Variants in DHRS11 observed in about 807,000 individuals in gnomAD.
The protein encoded by DHRS11 is dehydrogenase/reductase SDR family member 11.
Under a neutral mutation model 30.7 loss-of-function variants are expected in DHRS11, and 18 were observed. That is an observed-to-expected ratio of 0.59 (90% confidence interval 0.41 to 0.87). The LOEUF (loss-of-function observed/expected upper bound fraction) is 0.87, where lower values mean the gene tolerates loss of function less well. Among genes scored for constraint, DHRS11 ranks in the 40% least tolerant of loss-of-function variants. The pLI, the probability that DHRS11 is intolerant of heterozygous loss-of-function variation, is 0.00. For missense variants in DHRS11, 300 were observed against 349.0 expected, an observed-to-expected ratio of 0.86 and a Z score of 1.12; for synonymous variants, 123 against 139.6, an observed-to-expected ratio of 0.88 and a Z score of 0.84.
intron 1 of DHRS11, among the ~76,000 whole-genome samples, chr17:36,594,401 C>T (rs1206819708): frequency 6.6e-6 from 1 of 152,102 alleles, no homozygotes; most frequent in African/African-American, 2.4e-5. Flanking sequence ...AGGTCCCTGG[C>T]CCCTGTTCCA....
rs186907109 is a variant in DHRS11, at chr17:36,594,626, G to C, written c.148-345G>C. The C allele has an allele frequency of 1.6e-5, 6 of 372,666 alleles. No individual in the cohort carries two copies. The East Asian group carries it at 2.4e-4, about 15-fold the overall frequency. 23.1% of individuals were successfully genotyped at this position (372,666 alleles called of 1,614,324 possible). On this transcript the variant is annotated intron_variant, in intron 1 of 6. Transcript: ENST00000618403. ...ATAGGGTTCCACCAAGTTAGCCAAG[G>C]CTGGTCTCAAACTCCTGACCTCAAC... is the stretch of plus-strand genomic sequence containing the variant.
rs2074777057 is a variant in DHRS11, at chr17:36,592,597, C to A, written c.147+441C>A. 6.6e-6 allele frequency among the ~76,000 whole-genome samples: 1 copy of A among 152,138 alleles called. No individual in the cohort carries two copies. Among genetic ancestry groups the A allele is most frequent in the South Asian group, 2.1e-4 (1 of 4,822 alleles). ...GGAGCTTTACTGAAGAGCCTCAGCCCCGCCCCCTCACCTCGGGGGTAACTC... is the reference window on the plus strand; with the variant it reads ...GGAGCTTTACTGAAGAGCCTCAGCCACGCCCCCTCACCTCGGGGGTAACTC... On this transcript the variant is annotated intron_variant, in intron 1 of 6. Coordinates refer to ENST00000618403, the MANE Select transcript of DHRS11 (RefSeq NM_024308.4). This position sits in a 1 kb window ranked among gnomAD's most constrained non-coding sequence, Gnocchi z 4.4.
intron 2 of DHRS11, 116 bp from the exon 3 acceptor site, chr17:36,598,047 C>A (rs369251903): frequency 9.7e-7 from 1 of 1,034,928 alleles, no homozygotes; most frequent in African/African-American, 1.6e-5. Context: ...TCCGGGGGGA[C>A]CTGGACACTG....
chr17:36,593,269 C>G lies in DHRS11; in HGVS notation c.147+1113C>G, dbSNP rs1040691267. On this transcript the variant is annotated intron_variant, in intron 1 of 6. Transcript: ENST00000618403. ...CAAGGGGATCCCCAGGCTGATCACT[C>G]AGTCCCAGGGTGACTCCATGTCTGA... Among the ~76,000 whole-genome samples the G allele has an allele frequency of 2.6e-5, 4 of 152,214 alleles. 1 individual carries two copies.
rs2074799142 is a variant in DHRS11, at chr17:36,595,110, AC to A, written c.288del (p.Asn96LysfsTer25). 2 of 1,614,052 alleles carry A rather than the reference AC, an allele frequency of 1.2e-6. No homozygotes were observed. The highest frequency in any genetic ancestry group is 2.7e-5 in the African/African-American group (2 of 74,918). On this transcript the variant is annotated frameshift_variant, in exon 2 of 7. Coordinates refer to ENST00000618403, the MANE Select transcript of DHRS11 (RefSeq NM_024308.4). LOFTEE classifies it high-confidence loss of function. ...SQHSGVDICI[N>X]NAGLARPDTL... ...CACAGCGGTGTAGACATCTGCATCA[AC>A]AATGCTGGCTTGGCCCGGCCTGACA... is the stretch of plus-strand genomic sequence containing the variant.
chr17:36,599,683 G>C lies in DHRS11; in HGVS notation c.595G>C (p.Gly199Arg), dbSNP rs780896907. The C allele has an allele frequency of 1.2e-6, 2 of 1,614,196 alleles. No individual in the cohort carries two copies. Among genetic ancestry groups the C allele is most frequent in the Admixed American group, 3.3e-5 (2 of 60,032 alleles). The change falls in exon 5 of 7, where the codon GGT becomes CGT. Residue 199 changes from glycine to arginine, a missense_variant. Physicochemically the swap from Gly to Arg is moderately radical, Grantham distance 125. Coordinates refer to ENST00000618403, the MANE Select transcript of DHRS11 (RefSeq NM_024308.4). ...THIRATCISP[G>R]VVETQFAFKL... ...TCTGTTGGCCCAGTGCATCTCTCCAGGTGTGGTGGAGACACAATTCGCCTT... is the reference window on the plus strand; with the variant it reads ...TCTGTTGGCCCAGTGCATCTCTCCACGTGTGGTGGAGACACAATTCGCCTT...
Position 36,600,040 on chromosome 17 carries a change from G to T in DHRS11, c.741+3G>T. On this transcript the variant is annotated splice_donor_region_variant and intron_variant, in intron 6 of 6. Coordinates refer to ENST00000618403, the MANE Select transcript of DHRS11 (RefSeq NM_024308.4). The stretch of plus-strand genomic sequence containing the variant: ...TCAGCACCCCCGCACACATCCAGGT[G>T]AGTCTGGCCCTGACTGTCTACTCAC... The T allele has an allele frequency of 6.2e-7, 1 of 1,613,910 alleles. No individual in the cohort carries two copies. The highest frequency in any genetic ancestry group is 8.5e-7 in the Non-Finnish European group (1 of 1,179,906).
chr17:36,598,466 G>T lies in DHRS11; in HGVS notation c.452+209G>T, dbSNP rs2074829140. On this transcript the variant is annotated intron_variant, in intron 3 of 6. Coordinates refer to ENST00000618403, the MANE Select transcript of DHRS11 (RefSeq NM_024308.4). ...GGCAGCTTAGCCCCTTCCCTCTACA[G>T]CTGAAGCCTGGGGCCTCTCCTGGGA... The T allele has an allele frequency of 5.0e-6, 3 of 594,500 alleles. No homozygotes were observed. In the African/African-American group the frequency reaches 5.6e-5, roughly 11 times the overall value. 36.8% of individuals were successfully genotyped at this position (594,500 alleles called of 1,614,324 possible).
At chr17:36,597,946 G>A in intron 2 of DHRS11, 1 of 597,208 alleles carries the variant, frequency 1.7e-6, no homozygotes, top group Non-Finnish European at 3.0e-6. Flanking sequence ...AGCCAGGTGA[G>A]GAGCTACCTC....
intron 2 of DHRS11, 47 bp from the exon 3 acceptor site, chr17:36,598,116 C>T: frequency 6.3e-7 from 1 of 1,587,292 alleles, no homozygotes; most frequent in Non-Finnish European, 8.6e-7. Flanking sequence ...ATCACTTGCT[C>T]AGTTGGGCCG....
chr17:36,599,125 C>T, intron 4 of DHRS11, 75 bp downstream of exon 4: 1 of 1,540,294 alleles, frequency 6.5e-7, no homozygotes, highest in South Asian at 1.2e-5. Context: ...GTTCAGGAAG[C>T]CCATGTTCAG....
intron 3 of DHRS11, chr17:36,598,464 C>G: frequency 1.7e-6 from 1 of 595,168 alleles, no homozygotes. Context: ...CTTCCCTCTA[C>G]AGCTGAAGCC....
In DHRS11 at chr17:36,598,688, G is replaced by C. The variant is rs577503937; in HGVS notation, c.453-233G>C. ...GAATTCTGACATTCTGCACCACCAG[G>C]AGAGTGCATTCTGTCGTCAGCTTAG... is the stretch of plus-strand genomic sequence containing the variant. On this transcript the variant is annotated intron_variant, in intron 3 of 6. Transcript: ENST00000618403. The C allele has an allele frequency of 4.0e-4, 226 of 558,048 alleles. 2 individuals carry two copies. Among genetic ancestry groups the C allele is most frequent in the Non-Finnish European group, 6.1e-4 (193 of 315,720 alleles). The allele number at this position is 558,048 out of a possible 1,614,324, so 34.6% of individuals were successfully genotyped here. A position where few individuals can be genotyped will look rare whatever the true frequency, so the allele number is the denominator to read the frequency against.
chr17:36,600,188 G>A lies in DHRS11; in HGVS notation c.768G>A (p.Thr256=), dbSNP rs749577574. The change falls in exon 7 of 7, where the codon ACG becomes ACA. Residue 256 remains threonine (T), a synonymous_variant. Coordinates refer to ENST00000618403, the MANE Select transcript of DHRS11 (RefSeq NM_024308.4). ...IQIGDIQMRP[T]EQVT Reference sequence around the variant, plus strand: ...TTGGAGACATCCAGATGAGGCCCACGGAGCAGGTGACCTAGTGACTGTGGG... The same window carrying A: ...TTGGAGACATCCAGATGAGGCCCACAGAGCAGGTGACCTAGTGACTGTGGG... 33 of 1,613,968 alleles carry A rather than the reference G, an allele frequency of 2.0e-5. No homozygotes were observed. Among genetic ancestry groups the A allele is most frequent in the East Asian group, 8.9e-5 (4 of 44,878 alleles).
rs748169164 is a variant in DHRS11, at chr17:36,595,059, C to T, written c.236C>T (p.Ser79Phe). Residue 79 changes from serine (S) to phenylalanine (F), a missense_variant, in exon 2 of 7, where the codon TCC becomes TTC. Ser to Phe is a radical substitution (Grantham distance 155). Coordinates refer to ENST00000618403, the MANE Select transcript of DHRS11 (RefSeq NM_024308.4). ...CTATCAAATGAAGAGGACATCCTCT[C>T]CATGTTCTCAGCTATCCGTTCTCAG... is the stretch of plus-strand genomic sequence containing the variant. ...CDLSNEEDIL[S>F]MFSAIRSQHS... The T allele has an allele frequency of 2.5e-6, 4 of 1,614,074 alleles. No homozygotes were observed. In the South Asian group the frequency reaches 4.4e-5, roughly 18 times the overall value.
intron 4 of DHRS11, chr17:36,599,272 G>A: frequency 1.4e-6 from 1 of 738,072 alleles, no homozygotes; most frequent in Admixed American, 3.3e-5. Context: ...ACTTTGAGCT[G>A]GGAGGGGGCT....
chr17:36,595,286 G>A lies in DHRS11; in HGVS notation c.357+106G>A. The A allele has an allele frequency of 3.2e-6, 4 of 1,263,278 alleles. 1 individual carries two copies. Among genetic ancestry groups the A allele is most frequent in the South Asian group, 2.7e-5 (2 of 74,036 alleles). 78.3% of individuals were successfully genotyped at this position (1,263,278 alleles called of 1,614,324 possible). On this transcript the variant is annotated intron_variant, in intron 2 of 6. Coordinates refer to ENST00000618403, the MANE Select transcript of DHRS11 (RefSeq NM_024308.4). ...GCTGGGGACGGGACATCTAGGAAGA[G>A]GGAGCTTCGGGTTCCCACCTGGGGC...
intron 5 of DHRS11, 54 bp from the exon 6 acceptor site, chr17:36,599,918 G>A: frequency 6.2e-7 from 1 of 1,601,576 alleles, no homozygotes; most frequent in Non-Finnish European, 8.5e-7. Context: ...AGTGGTGGGA[G>A]GGAATTTGAG....
Position 36,592,242 on chromosome 17 carries a change from G to C in DHRS11, c.147+86G>C. On this transcript the variant is annotated intron_variant, in intron 1 of 6. Coordinates refer to ENST00000618403, the MANE Select transcript of DHRS11 (RefSeq NM_024308.4). The surrounding 1 kb of genome is among the most constrained non-coding windows in gnomAD (Gnocchi z 4.4). Reference sequence around the variant, plus strand: ...CCTGCCCGCCACGCCGGGGCCCTTTGCTCTAGTCGGGGCGGCCTCTCGGAT... The same window carrying C: ...CCTGCCCGCCACGCCGGGGCCCTTTCCTCTAGTCGGGGCGGCCTCTCGGAT... The C allele has an allele frequency of 8.2e-7, 1 of 1,225,044 alleles. No homozygotes were observed. The highest frequency in any genetic ancestry group is 1.0e-6 in the Non-Finnish European group (1 of 981,858). The allele number at this position is 1,225,044 out of a possible 1,614,324, so 75.9% of individuals were successfully genotyped here.
Sources: allele counts gnomAD v4.1 joint callset (sites outside exome capture counted in the v4.1 genomes callset), GRCh38; gene constraint gnomAD v4.1.1; non-coding constraint Gnocchi (gnomAD v3.1); transcripts MANE v1.5; gene names NCBI Gene and HGNC (gene_info 2026-07-23, HGNC 2026-07-21).